The following CSMD1 variants were observed in gnomAD, a reference collection of about 807,000 sequenced individuals.
The protein encoded by CSMD1 is CUB and sushi domain-containing protein 1.
CSMD1 carries 213 observed loss-of-function variants against 417.5 expected under a neutral mutation model. That is an observed-to-expected ratio of 0.51 (90% confidence interval 0.46 to 0.57). The LOEUF (loss-of-function observed/expected upper bound fraction) is 0.57. Among genes scored for constraint, CSMD1 ranks in the 20% least tolerant of loss-of-function variants. The pLI, the probability that CSMD1 is intolerant of heterozygous loss-of-function variation, is 0.00. For missense variants in CSMD1, 6,923 were observed against 4,529.7 expected, an observed-to-expected ratio of 1.53 and a Z score of -15.17; for synonymous variants, 2,862 against 1,736.8, an observed-to-expected ratio of 1.65 and a Z score of -16.11.
intron 3 of CSMD1, among the ~76,000 whole-genome samples, chr8:4,122,273 G>T (rs1321572734): frequency 6.6e-6 from 1 of 152,018 alleles, no homozygotes; most frequent in African/African-American, 2.4e-5. Flanking sequence ...TTAAGACCTG[G>T]TTATTTATAG....
chr8:3,916,755 TAG>T (rs1432198412), intron 5 of CSMD1, among the ~76,000 whole-genome samples: 2 of 151,972 alleles, frequency 1.3e-5, no homozygotes, highest in Non-Finnish European at 2.9e-5. Flanking sequence ...GTCACAAAAC[TAG>T]AGAGAGAAAA....
intron 26 of CSMD1, among the ~76,000 whole-genome samples, chr8:3,280,607 C>G (rs1024845272): frequency 2.0e-5 from 3 of 152,076 alleles, no homozygotes; most frequent in Non-Finnish European, 2.9e-5. Context: ...AGGGATGGAT[C>G]CTATCCAAGT....
intron 7 of CSMD1, among the ~76,000 whole-genome samples, chr8:3,633,667 G>A (rs1227125098): frequency 1.3e-5 from 2 of 152,118 alleles, no homozygotes; most frequent in African/African-American, 2.4e-5. Flanking sequence ...CTTAAGACAT[G>A]AAAATAGTGT....
intron 3 of CSMD1, among the ~76,000 whole-genome samples, chr8:4,310,446 T>G (rs1374676716): frequency 1.3e-5 from 2 of 152,190 alleles, no homozygotes; most frequent in Non-Finnish European, 2.9e-5. Flanking sequence ...TGTGCAGAAG[T>G]AGGAAGGATG....
At chr8:3,479,264 T>C (rs1295590023) in intron 11 of CSMD1, among the ~76,000 whole-genome samples, 1 of 152,092 alleles carries the variant, frequency 6.6e-6, no homozygotes, top group African/African-American at 2.4e-5. Flanking sequence ...CAATTGCAGT[T>C]TTTGCCATTA....
In CSMD1 at chr8:3,205,511, C is replaced by T. The variant is rs1395356007; in HGVS notation, c.4977G>A (p.Lys1659=). ...QICLYSITVP[K]EFVVFGQFAY... ...ATACAAGGACATCCTTACCGAATTC[C>T]TTTGGTACCGTGATGGAATAGAGGC... Residue 1659 remains lysine (K), a synonymous_variant, in exon 31 of 70, where the codon AAG becomes AAA. Transcript: ENST00000635120. The T allele has an allele frequency of 2.0e-6, 3 of 1,527,688 alleles. No homozygotes were observed. In the Admixed American group the frequency reaches 5.5e-5, roughly 28 times the overall value. 94.6% of individuals were successfully genotyped at this position (1,527,688 alleles called of 1,614,324 possible).
intron 3 of CSMD1, among the ~76,000 whole-genome samples, chr8:4,280,354 T>C (rs550585981): frequency 2.0e-4 from 31 of 152,218 alleles, no homozygotes; most frequent in Non-Finnish European, 4.1e-4. Flanking sequence ...TAATTTCTAA[T>C]AAATAATAAT....
At chr8:4,611,607 CT>C (rs1338863279) in intron 2 of CSMD1, among the ~76,000 whole-genome samples, 1 of 152,200 alleles carries the variant, frequency 6.6e-6, no homozygotes, top group South Asian at 2.1e-4. Context: ...ATGAAACTCT[CT>C]TTCTCTTTAA....
chr8:4,402,254 T>C (rs1435731878), intron 3 of CSMD1, among the ~76,000 whole-genome samples: 3 of 152,134 alleles, frequency 2.0e-5, no homozygotes, highest in Non-Finnish European at 2.9e-5. Flanking sequence ...AGGAACATCA[T>C]AAACTGCAAA....
intron 3 of CSMD1, among the ~76,000 whole-genome samples, chr8:4,091,065 C>T (rs1390261306): frequency 6.6e-6 from 1 of 151,852 alleles, no homozygotes; most frequent in East Asian, 1.9e-4. Flanking sequence ...TCTACAGGCA[C>T]CCACCACAAT....
intron 2 of CSMD1, among the ~76,000 whole-genome samples, chr8:4,555,480 G>A (rs946273399): frequency 3.9e-5 from 6 of 152,136 alleles, no homozygotes; most frequent in African/African-American, 9.7e-5. Flanking sequence ...TCTGAAACAG[G>A]TGAAGCTAGC....
At chr8:4,600,654 A>G (rs1800531491) in intron 2 of CSMD1, among the ~76,000 whole-genome samples, 1 of 152,208 alleles carries the variant, frequency 6.6e-6, no homozygotes, top group African/African-American at 2.4e-5. Context: ...ACCAATGTTT[A>G]GATAAGAAAT....
intron 18 of CSMD1, among the ~76,000 whole-genome samples, chr8:3,385,442 G>A (rs1037387132): frequency 2.0e-5 from 3 of 151,532 alleles, no homozygotes; most frequent in East Asian, 1.9e-4. Flanking sequence ...GCCACCTACT[G>A]AACTGATTGT....
chr8:3,913,688 C>G (rs953603011), intron 5 of CSMD1, among the ~76,000 whole-genome samples: 4 of 152,118 alleles, frequency 2.6e-5, no homozygotes, highest in African/African-American at 9.7e-5. Flanking sequence ...AGGATGCAAA[C>G]TTTCAGGAAG....
intron 5 of CSMD1, among the ~76,000 whole-genome samples, chr8:3,764,842 G>A (rs1380574629): frequency 6.6e-6 from 1 of 150,676 alleles, no homozygotes; most frequent in African/African-American, 2.4e-5. Flanking sequence ...TGCTGCCTGG[G>A]TTCAAGGGAT....
At chr8:3,472,351 C>G (rs1239716042) in intron 11 of CSMD1, among the ~76,000 whole-genome samples, 1 of 152,112 alleles carries the variant, frequency 6.6e-6, no homozygotes, top group Non-Finnish European at 1.5e-5. Flanking sequence ...CTGAAACACA[C>G]TTCCCAATTC....
Position 3,100,246 on chromosome 8 carries a change from G to C in CSMD1, c.6950-3209C>G, listed in dbSNP as rs189398306. Among the ~76,000 whole-genome samples the C allele has an allele frequency of 1.4e-3, 207 of 152,186 alleles. 1 individual carries two copies. Among genetic ancestry groups the C allele is most frequent in the African/African-American group, 4.6e-3 (192 of 41,528 alleles). On this transcript the variant is annotated intron_variant, in intron 46 of 69. Transcript: ENST00000635120. ...TTTGTATTTTTATTTTAGAAATGTT[G>C]TTTTGCCATTTTGCCCAGGCTGGTC...
chr8:4,455,963 A>AAAAAAAAAAAAAAAG (rs1799448292), intron 2 of CSMD1, among the ~76,000 whole-genome samples: 1 of 133,756 alleles, frequency 7.5e-6, no homozygotes, highest in East Asian at 2.1e-4. Flanking sequence ...AAAAAAAAAA[A>AAAAAAAAAAAAAAAG]TGCAGTTAAG....
At chr8:4,939,115 T>C (rs1379240128) in intron 1 of CSMD1, among the ~76,000 whole-genome samples, 1 of 152,230 alleles carries the variant, frequency 6.6e-6, no homozygotes, top group African/African-American at 2.4e-5. Flanking sequence ...TATTATTTCT[T>C]TTGTTGTGCA....
Sources: gnomAD v4.1 joint callset for allele counts (sites outside exome capture counted in the v4.1 genomes callset) on GRCh38, gnomAD v4.1.1 for gene constraint, MANE v1.5 for transcripts, NCBI Gene and HGNC (gene_info 2026-07-23, HGNC 2026-07-21) for gene names.